HECTD4: variants seen among roughly 807,000 people sequenced by gnomAD.
The protein encoded by HECTD4 is probable E3 ubiquitin-protein ligase HECTD4.
A neutral mutation model predicts 471.5 loss-of-function variants in HECTD4; 114 were observed. That is an observed-to-expected ratio of 0.24 (90% CI 0.21 to 0.28). HECTD4 has a LOEUF of 0.28. HECTD4 is among the 10% of genes least tolerant of loss of function. HECTD4 has a pLI of 1.00. For synonymous variants in HECTD4, 2,012 were observed against 2,256.0 expected, an observed-to-expected ratio of 0.89 and a Z score of 3.07; for missense variants, 3,866 against 5,651.5, an observed-to-expected ratio of 0.68 and a Z score of 10.13.
At chr12:112,284,085 A>G (rs2034699510) in intron 7 of HECTD4, among the ~76,000 whole-genome samples, 1 of 149,924 alleles carries the variant, frequency 6.7e-6, no homozygotes, top group Non-Finnish European at 1.5e-5. Flanking sequence ...CTCATTTACT[A>G]TTTCCTTTGT....
intron 7 of HECTD4, among the ~76,000 whole-genome samples, chr12:112,285,197 G>A (rs75482665): frequency 0.015 from 2,248 of 152,146 alleles, 62 homozygotes; most frequent in African/African-American, 0.05. Flanking sequence ...CTGTGCTGGC[G>A]AGTGAAGCCA....
At chr12:112,348,094 T>G (rs2036189481) in intron 1 of HECTD4, among the ~76,000 whole-genome samples, 1 of 152,204 alleles carries the variant, frequency 6.6e-6, no homozygotes, top group Non-Finnish European at 1.5e-5. Context: ...GACCAAGCAT[T>G]CTAATTGCAG....
rs1593979835 is a variant in HECTD4, at chr12:112,254,091, A to G, written c.3399T>C (p.Tyr1133=). The G allele has an allele frequency of 5.0e-6, 8 of 1,614,018 alleles. No individual in the cohort carries two copies. In the East Asian group the frequency reaches 1.6e-4, roughly 31 times the overall value. ...CAGTTCCTAAGACACTACGGCTGCC[A>G]TATCCCAGTGTGTTGCCTCCATATT... is the stretch of plus-strand genomic sequence containing the variant. ...VAEYGGNTLG[Y]GSRSVLGTGW... The change falls in exon 22 of 76, where the codon TAT becomes TAC. Residue 1133 remains tyrosine (Y), a synonymous_variant. Transcript: ENST00000682272.
At chr12:112,244,278 T>G (rs1018394663) in intron 29 of HECTD4, among the ~76,000 whole-genome samples, 2 of 152,252 alleles carry the variant, frequency 1.3e-5, no homozygotes, top group East Asian at 3.8e-4. Context: ...ATTTCATAGC[T>G]ATCCATGTTC....
Position 112,273,739 on chromosome 12 carries a change from C to T in HECTD4, c.1858G>A (p.Asp620Asn), listed in dbSNP as rs375808012. 7 of 1,613,744 alleles carry T rather than the reference C, an allele frequency of 4.3e-6. No individual in the cohort carries two copies. The highest frequency in any genetic ancestry group is 1.3e-5 in the African/African-American group (1 of 74,904). ...MLWTCSNDYIDQWCNPGNQAF... is the reference protein window; with the variant it reads ...MLWTCSNDYINQWCNPGNQAF... ...TGATTCCCAGGGTTACACCACTGAT[C>T]GATATAGTCATTTGAGCATGTCCAT... Residue 620 changes from aspartate (D) to asparagine (N), a missense_variant, in exon 11 of 76, where the codon GAT (aspartate) becomes AAT (asparagine). Asp to Asn is a conservative substitution (Grantham distance 23). Coordinates refer to ENST00000682272, the MANE Select transcript of HECTD4 (RefSeq NM_001388303.1).
chr12:112,360,534 CAG>C (rs1351106674), intron 1 of HECTD4, among the ~76,000 whole-genome samples: 4 of 152,064 alleles, frequency 2.6e-5, no homozygotes, highest in South Asian at 2.1e-4. Flanking sequence ...AAAAATAAAA[CAG>C]AAATATAGAG....
intron 1 of HECTD4, among the ~76,000 whole-genome samples, chr12:112,377,994 T>C (rs2036815866): frequency 6.6e-6 from 1 of 152,244 alleles, no homozygotes; most frequent in South Asian, 2.1e-4. Context: ...GGAGGGATTC[T>C]TTCTTTAGAT....
rs147508478 is a variant in HECTD4, at chr12:112,286,224, A to G, written c.1336-2922T>C. Among the ~76,000 whole-genome samples the G allele has an allele frequency of 6.1e-3, 922 of 152,324 alleles. 5 individuals carry two copies. The highest frequency in any genetic ancestry group is 9.5e-3 in the Non-Finnish European group (645 of 68,018). ...ATTTAGGAAGACAGGAAGAGCTGGG[A>G]GGAGTGAGAAGCAGCCCAGGCTTCC... On this transcript the variant is annotated intron_variant, in intron 7 of 75. Coordinates refer to ENST00000682272, the MANE Select transcript of HECTD4 (RefSeq NM_001388303.1).
Position 112,162,792 on chromosome 12 carries a change from T to G in HECTD4, c.13120+250A>C. On this transcript the variant is annotated intron_variant, in intron 75 of 75. Coordinates refer to ENST00000682272, the MANE Select transcript of HECTD4 (RefSeq NM_001388303.1). The surrounding 1 kb of genome is among the most constrained non-coding windows in gnomAD (Gnocchi z 5.2). Reference sequence around the variant, plus strand: ...TCTTTTTTTTTTTTTTTAACCATTTTTCTGCATTTAAAAGTTAGAAGATTT... The same window carrying G: ...TCTTTTTTTTTTTTTTTAACCATTTGTCTGCATTTAAAAGTTAGAAGATTT... 1.8e-6 allele frequency: 1 copy of G among 562,792 alleles called. No homozygotes were observed. The highest frequency in any genetic ancestry group is 3.1e-6 in the Non-Finnish European group (1 of 322,142). 34.9% of individuals were successfully genotyped at this position (562,792 alleles called of 1,614,324 possible).
Position 112,250,190 on chromosome 12 carries a change from T to A in HECTD4, c.3904A>T (p.Arg1302Trp). ...RLPPGIMIKL[R>W]EISGRARPQF... ...GGTCTAGCACGCCCAGAAATTTCCC[T>A]GAGCTTTATCATGATTCCTGGAGGC... The change falls in exon 25 of 76, where the codon AGG (arginine) becomes TGG (tryptophan). Residue 1302 changes from arginine (R) to tryptophan (W), a missense_variant. Coordinates refer to ENST00000682272, the MANE Select transcript of HECTD4 (RefSeq NM_001388303.1). The A allele has an allele frequency of 6.2e-7, 1 of 1,613,940 alleles. No homozygotes were observed. Among genetic ancestry groups the A allele is most frequent in the African/African-American group, 1.3e-5 (1 of 75,016 alleles).
At chr12:112,283,078 G>C in intron 8 of HECTD4, 32 bp downstream of exon 8, 1 of 1,576,842 alleles carries the variant, frequency 6.3e-7, no homozygotes, top group Non-Finnish European at 8.7e-7. Flanking sequence ...GCTATACAAG[G>C]AAACAGATCT....
At chr12:112,267,106 T>C in intron 13 of HECTD4, 124 bp from the exon 14 acceptor site, 1 of 636,396 alleles carries the variant, frequency 1.6e-6, no homozygotes, top group Non-Finnish European at 2.8e-6. Flanking sequence ...CTGCGACATC[T>C]GTCACCCCAT....
rs2031950173 is a variant in HECTD4, at chr12:112,188,190, G to A, written c.9472+2596C>T. ...TGTATTCCCAACTACTCAGGAGGCT[G>A]GGGCAGGAGAATCACTTGAACCCAG... is the stretch of plus-strand genomic sequence containing the variant. On this transcript the variant is annotated intron_variant, in intron 60 of 75. Coordinates refer to ENST00000682272, the MANE Select transcript of HECTD4 (RefSeq NM_001388303.1). This position sits in a 1 kb window ranked among gnomAD's most constrained non-coding sequence, Gnocchi z 4.2. 6.6e-6 allele frequency among the ~76,000 whole-genome samples: 1 copy of A among 152,142 alleles called. No homozygotes were observed. Among genetic ancestry groups the A allele is most frequent in the African/African-American group, 2.4e-5 (1 of 41,438 alleles).
chr12:112,275,322 T>C (rs1200062008), intron 9 of HECTD4, among the ~76,000 whole-genome samples: 1 of 152,226 alleles, frequency 6.6e-6, no homozygotes, highest in Admixed American at 6.5e-5. Flanking sequence ...AGTTAGTCAG[T>C]GTTCAATAAA....
intron 44 of HECTD4, among the ~76,000 whole-genome samples, chr12:112,226,167 C>G (rs919806279): frequency 9.9e-5 from 15 of 152,016 alleles, no homozygotes; most frequent in Non-Finnish European, 2.2e-4. Flanking sequence ...ACTAGTCTCT[C>G]AATTTTGGTA....
chr12:112,230,828 A>G lies in HECTD4; in HGVS notation c.6201-6T>C. 6.2e-6 allele frequency: 10 copies of G among 1,607,276 alleles called. No homozygotes were observed. The highest frequency in any genetic ancestry group is 8.5e-6 in the Non-Finnish European group (10 of 1,176,696). ...AGGGACGCACAGGATCAGTCCTGCA[A>G]GTGTCAACAGGAAAAAGTGTCAGTG... On this transcript the variant is annotated splice_polypyrimidine_tract_variant and splice_region_variant and intron_variant, in intron 39 of 75. Transcript: ENST00000682272.
rs1361129584 is a variant in HECTD4 at position 112,256,463 on chromosome 12, G to A, written c.3184C>T (p.Pro1062Ser). The A allele has an allele frequency of 6.2e-7, 1 of 1,609,602 alleles. No individual in the cohort carries two copies. Among genetic ancestry groups the A allele is most frequent in the Admixed American group, 1.7e-5 (1 of 59,290 alleles). ...TCCACAGTCTTTCCAGCAGCCCATGGGGCAGGAATCTTTAAACCAGTGAGA... is the reference window on the plus strand; with the variant it reads ...TCCACAGTCTTTCCAGCAGCCCATGAGGCAGGAATCTTTAAACCAGTGAGA... ...GFLTGLKIPAPWAAGKTVETV... is the reference protein window; with the variant it reads ...GFLTGLKIPASWAAGKTVETV... The change falls in exon 21 of 76, where the codon CCA becomes TCA. Residue 1062 changes from proline (P) to serine (S), a missense_variant. Pro to Ser is a moderately conservative substitution (Grantham distance 74, BLOSUM62 -1). Coordinates refer to ENST00000682272, the MANE Select transcript of HECTD4 (RefSeq NM_001388303.1).
intron 67 of HECTD4, 93 bp from the exon 68 acceptor site, chr12:112,171,356 A>G: frequency 1.3e-6 from 2 of 1,522,540 alleles, no homozygotes; most frequent in Non-Finnish European, 1.8e-6. Context: ...CACTGCGAAC[A>G]GGATTGGTGG....
intron 1 of HECTD4, among the ~76,000 whole-genome samples, chr12:112,327,145 C>T (rs536055871): frequency 4.6e-5 from 7 of 152,122 alleles, no homozygotes; most frequent in South Asian, 2.1e-4. Flanking sequence ...GGTGAAACCC[C>T]GTCTCTACTA....
Sources: gnomAD v4.1 joint callset for allele counts (sites outside exome capture counted in the v4.1 genomes callset) on GRCh38, gnomAD v4.1.1 for gene constraint, Gnocchi (gnomAD v3.1) non-coding constraint, MANE v1.5 for transcripts, NCBI Gene and HGNC (gene_info 2026-07-23, HGNC 2026-07-21) for gene names.